The following MAST3 variants were observed in gnomAD, a reference collection of about 807,000 sequenced individuals.
MAST3 encodes the protein microtubule-associated serine/threonine-protein kinase 3.
A neutral mutation model predicts 127.0 loss-of-function variants in MAST3; 43 were observed. That is an observed-to-expected ratio of 0.34 (90% CI 0.27 to 0.44). The LOEUF (loss-of-function observed/expected upper bound fraction) is 0.44. Among genes scored for constraint, MAST3 ranks in the 20% least tolerant of loss-of-function variants. The pLI is 1.00. For missense variants in MAST3, 1,390 were observed against 1,919.1 expected (o/e 0.72, Z 5.15); for synonymous variants, 785 against 809.2 (o/e 0.97, Z 0.51).
At chr19:18,141,762 C>T in intron 20 of MAST3, 120 bp from the exon 21 acceptor site, 1 of 727,688 alleles carries the variant, frequency 1.4e-6, no homozygotes, top group East Asian at 3.4e-5. Context: ...TGCTATGTTG[C>T]CCAGGCTGGT....
At chr19:18,136,585 T>G (rs2041912585) in intron 18 of MAST3, among the ~76,000 whole-genome samples, 6 of 151,912 alleles carry the variant, frequency 3.9e-5, no homozygotes, top group Admixed American at 3.9e-4. Flanking sequence ...CCGGCTAATT[T>G]TTATACTTTT....
In MAST3 at chr19:18,097,783, C is replaced by G. The variant is rs889504210; in HGVS notation, c.-10C>G. 8.2e-7 allele frequency: 1 copy of G among 1,217,674 alleles called. No individual in the cohort carries two copies. The highest frequency in any genetic ancestry group is 4.1e-5 in the South Asian group (1 of 24,232). The allele number at this position is 1,217,674 out of a possible 1,614,324, so 75.4% of individuals were successfully genotyped here. A position where few individuals can be genotyped will look rare whatever the true frequency, so the allele number is the denominator to read the frequency against. ...CCGGGGGCGGGCCTGGCGGCGCGGA[C>G]TCCCGGGCCATGGACGAGTCGAGCC... On this transcript the variant is annotated 5_prime_UTR_variant, in exon 1 of 28. Transcript: ENST00000687212.
At chr19:18,109,817 G>A (rs551404325) in intron 2 of MAST3, among the ~76,000 whole-genome samples, 1 of 152,338 alleles carries the variant, frequency 6.6e-6, no homozygotes, top group South Asian at 2.1e-4. Flanking sequence ...CCTCAGTGCT[G>A]AGCAGCTGGC....
chr19:18,147,520 A>T lies in MAST3; in HGVS notation c.3404A>T (p.His1135Leu). ...AGCCGCAGCTTCTCCTCCGGACTCCACCACTCACTGTCATCCAGTGAGAGC... is the reference window on the plus strand; with the variant it reads ...AGCCGCAGCTTCTCCTCCGGACTCCTCCACTCACTGTCATCCAGTGAGAGC... ...HTSRSFSSGL[H>L]HSLSSSESLP... is the part of the protein sequence containing the mutation. Residue 1135 changes from histidine to leucine, a missense_variant, in exon 27 of 28, where the codon CAC (histidine) becomes CTC (leucine). By Grantham distance (99) the His-to-Leu change is moderately conservative. Around this residue, in one of 5 missense-constraint regions of MAST3, gnomAD observed 816 missense variants for 934.1 expected, o/e 0.87. Coordinates refer to ENST00000687212, the MANE Select transcript of MAST3 (RefSeq NM_001393504.1). 6.2e-7 allele frequency: 1 copy of T among 1,611,372 alleles called. No homozygotes were observed. Among genetic ancestry groups the T allele is most frequent in the African/African-American group, 1.3e-5 (1 of 74,882 alleles).
intron 15 of MAST3, 49 bp downstream of exon 15, chr19:18,132,096 A>G (rs2041368031): frequency 1.9e-6 from 3 of 1,606,104 alleles, no homozygotes; most frequent in South Asian, 2.2e-5. Context: ...GGGGCCAGAG[A>G]GGATCAGGGG....
chr19:18,136,526 C>T (rs1430503881), intron 18 of MAST3, among the ~76,000 whole-genome samples: 1 of 152,188 alleles, frequency 6.6e-6, no homozygotes, highest in African/African-American at 2.4e-5. Context: ...AGCGATCCTC[C>T]CACCTCAGCC....
At chr19:18,118,812 C>CTCG (rs2039611540) in intron 3 of MAST3, among the ~76,000 whole-genome samples, 1 of 152,162 alleles carries the variant, frequency 6.6e-6, no homozygotes, top group Non-Finnish European at 1.5e-5. Flanking sequence ...CAGCCACTAC[C>CTCG]AGGCTGTGTG....
In MAST3 at chr19:18,112,764, C is replaced by T. The variant is rs765313791; in HGVS notation, c.161+2023C>T. On this transcript the variant is annotated intron_variant, in intron 3 of 27. Coordinates refer to ENST00000687212, the MANE Select transcript of MAST3 (RefSeq NM_001393504.1). This position sits in a 1 kb window ranked among gnomAD's most constrained non-coding sequence, Gnocchi z 4.1. ...AGGATTATAGGCGTGAGCCACTGCA[C>T]CCCGCCTGAGATTTTTTTTAAGCCT... Among the ~76,000 whole-genome samples, 1 of 152,112 alleles carries T rather than the reference C, an allele frequency of 6.6e-6. No individual in the cohort carries two copies. The highest frequency in any genetic ancestry group is 1.5e-5 in the Non-Finnish European group (1 of 68,022).
intron 1 of MAST3, among the ~76,000 whole-genome samples, chr19:18,103,268 G>A (rs1478732112): frequency 6.6e-6 from 1 of 152,230 alleles, no homozygotes; most frequent in Admixed American, 6.5e-5. Flanking sequence ...GCCAGGCACA[G>A]TGGCTCATGC....
intron 1 of MAST3, among the ~76,000 whole-genome samples, chr19:18,104,434 G>A (rs1162815286): frequency 6.6e-6 from 1 of 151,936 alleles, no homozygotes; most frequent in Non-Finnish European, 1.5e-5. Flanking sequence ...TCAGGCCTGG[G>A]GTAACGCCAC....
At position 18,149,495 on chromosome 19, in the gene MAST3, G is replaced by A; in HGVS notation, c.3813G>A (p.Leu1271=). ...ACAAGCTGGGCACAGGGGAGCGGCT[G>A]GATGGGGAGGCGGGGCGGCGCACTC... ...SADKLGTGER[L]DGEAGRRTRG... is the part of the protein sequence containing the mutation. Residue 1271 remains leucine (L), a synonymous_variant, in exon 28 of 28, where the codon CTG becomes CTA. Transcript: ENST00000687212. This position sits in a 1 kb window ranked among gnomAD's most constrained non-coding sequence, Gnocchi z 5.9. 2 of 1,546,730 alleles carry A rather than the reference G, an allele frequency of 1.3e-6. No homozygotes were observed. Among genetic ancestry groups the A allele is most frequent in the South Asian group, 1.2e-5 (1 of 84,046 alleles).
intron 19 of MAST3, among the ~76,000 whole-genome samples, chr19:18,138,352 T>G (rs2042102021): frequency 6.6e-6 from 1 of 151,690 alleles, no homozygotes; most frequent in Non-Finnish European, 1.5e-5. Flanking sequence ...AGTCTCACTC[T>G]GTCGCCCAGG....
At chr19:18,109,340 T>C (rs2038317412) in intron 2 of MAST3, among the ~76,000 whole-genome samples, 1 of 151,750 alleles carries the variant, frequency 6.6e-6, no homozygotes, top group African/African-American at 2.4e-5. Context: ...CCCCAGTGGT[T>C]GGGGGTTGCT....
At chr19:18,098,778 T>C (rs759750830) in intron 1 of MAST3, 2 of 456,594 alleles carry the variant, frequency 4.4e-6, no homozygotes, top group Middle Eastern at 3.2e-4. Context: ...ATGGAGCGCC[T>C]GCTGTGTGCC....
Position 18,135,798 on chromosome 19 carries a change from C to T in MAST3, c.1929C>T (p.Ile643=), listed in dbSNP as rs1382816387. ...TTCCAGCAGACGCCCAGGACCTCAT[C>T]ACCAGGTTGCTCCGGCAGAGCCCGC... is the stretch of plus-strand genomic sequence containing the variant. The part of the protein sequence containing the change: ...EALPADAQDL[I]TRLLRQSPLD... The change falls in exon 18 of 28, where the codon ATC becomes ATT. Residue 643 remains isoleucine, a synonymous_variant. Transcript: ENST00000687212. 1 of 1,611,872 alleles carries T rather than the reference C, an allele frequency of 6.2e-7. No homozygotes were observed. The highest frequency in any genetic ancestry group is 1.7e-5 in the Admixed American group (1 of 59,764).
In MAST3 at chr19:18,143,928, G is replaced by A. The variant is rs779236781; in HGVS notation, c.2505G>A (p.Lys835=). The A allele has an allele frequency of 1.9e-6, 3 of 1,612,780 alleles. No individual in the cohort carries two copies. Among genetic ancestry groups the A allele is most frequent in the East Asian group, 4.5e-5 (2 of 44,848 alleles). ...EGVGPGPAGP[K]RPVFILGEPD... ...TAGGCCCAGGCCCTGCAGGCCCCAA[G>A]AGGCCCGTCTTCATTCTAGGGGAGC... The change falls in exon 22 of 28, where the codon AAG becomes AAA. Residue 835 remains lysine (K), a synonymous_variant. Coordinates refer to ENST00000687212, the MANE Select transcript of MAST3 (RefSeq NM_001393504.1).
Position 18,144,367 on chromosome 19 carries a change from G to T in MAST3, c.2585-99G>T. ...TGCATGAGCAAAGGCCAGGAGGCTG[G>T]ACTGTGTAAATAGTGACCAGGGAGG... On this transcript the variant is annotated intron_variant, in intron 22 of 27. Transcript: ENST00000687212. The surrounding 1 kb of genome is among the most constrained non-coding windows in gnomAD (Gnocchi z 4.0). The T allele has an allele frequency of 2.9e-6, 3 of 1,042,848 alleles. No homozygotes were observed. Among genetic ancestry groups the T allele is most frequent in the Non-Finnish European group, 4.3e-6 (3 of 703,538 alleles). 64.6% of individuals were successfully genotyped at this position (1,042,848 alleles called of 1,614,324 possible).
intron 20 of MAST3, among the ~76,000 whole-genome samples, chr19:18,139,940 C>T (rs2042280602): frequency 6.7e-6 from 1 of 149,680 alleles, no homozygotes; most frequent in African/African-American, 2.5e-5. Context: ...CTGCCTCAGC[C>T]TCCCAAGTAG....
At chr19:18,107,698 G>A in intron 2 of MAST3, 80 bp downstream of exon 2, 1 of 1,357,988 alleles carries the variant, frequency 7.4e-7, no homozygotes, top group Admixed American at 2.0e-5. Flanking sequence ...CCACTGAATT[G>A]TGAATGTATT....
Sources: allele counts gnomAD v4.1 joint callset (sites outside exome capture counted in the v4.1 genomes callset), GRCh38; gene constraint gnomAD v4.1.1; regional missense constraint gnomAD v4.1.1; non-coding constraint Gnocchi (gnomAD v3.1); transcripts MANE v1.5; gene names NCBI Gene and HGNC (gene_info 2026-07-23, HGNC 2026-07-21).